The following PDK1 variants were observed in gnomAD, a reference collection of about 807,000 sequenced individuals.
PDK1 encodes the protein pyruvate dehydrogenase kinase 1.
In PDK1, 39 loss-of-function variants were observed where a neutral mutation model predicts 54.2. The ratio of observed to expected loss-of-function variants is 0.72; its 90% CI spans 0.56 to 0.94. PDK1 has a LOEUF of 0.94. Among genes scored for constraint, PDK1 ranks in the 40% least tolerant of loss-of-function variants. PDK1 has a pLI of 0.00. For synonymous variants in PDK1, 221 were observed against 207.1 expected, an observed-to-expected ratio of 1.07 and a Z score of -0.58; for missense variants, 552 against 566.0, an observed-to-expected ratio of 0.98 and a Z score of 0.25.
chr2:172,618,872 G>A, the PDK1 span, among the ~76,000 whole-genome samples: 1 of 152,160 alleles, frequency 6.6e-6, no homozygotes, highest in Admixed American at 6.5e-5. Flanking sequence ...ATTGAGGCTA[G>A]AGAAGTGGGC....
At chr2:172,555,865 G>A (rs907386712), upstream of PDK1, 7 of 299,222 alleles carry the variant, frequency 2.3e-5, no homozygotes, top group Admixed American at 2.6e-4. Context: ...TCTGGGCGGC[G>A]GCTGCGGCCT....
chr2:172,573,514 TACAC>T (rs991587817), intron 8 of PDK1, among the ~76,000 whole-genome samples: 7 of 151,556 alleles, frequency 4.6e-5, no homozygotes, highest in African/African-American at 1.5e-4. Flanking sequence ...TGTATATATA[TACAC>T]ACACATACAT....
the PDK1 span, among the ~76,000 whole-genome samples, chr2:172,659,528 A>G: frequency 6.6e-6 from 1 of 152,160 alleles, no homozygotes; most frequent in Admixed American, 6.5e-5. Flanking sequence ...TGTCAATTTA[A>G]TTCTCAGCAC....
At chr2:172,669,795 C>T in the PDK1 span, among the ~76,000 whole-genome samples, 1 of 152,156 alleles carries the variant, frequency 6.6e-6, no homozygotes, top group Non-Finnish European at 1.5e-5. Flanking sequence ...GCCATTTGCA[C>T]GTCTTCTTTC....
chr2:172,619,977 C>T, the PDK1 span, among the ~76,000 whole-genome samples: 29 of 152,118 alleles, frequency 1.9e-4, no homozygotes, highest in Admixed American at 6.5e-5. Flanking sequence ...CCAGCCTGGC[C>T]AACATGGCAA....
chr2:172,624,447 A>AT, the PDK1 span, among the ~76,000 whole-genome samples: 1 of 152,150 alleles, frequency 6.6e-6, no homozygotes. Flanking sequence ...CATATGAGGG[A>AT]TCTAGGTTGC....
At chr2:172,627,803 A>G in the PDK1 span, among the ~76,000 whole-genome samples, 1 of 152,230 alleles carries the variant, frequency 6.6e-6, no homozygotes, top group East Asian at 1.9e-4. Flanking sequence ...TAACATTGTA[A>G]CATATGTCTT....
downstream of PDK1, among the ~76,000 whole-genome samples, chr2:172,612,626 A>G (rs1691498836): frequency 6.6e-6 from 1 of 152,194 alleles, no homozygotes; most frequent in Non-Finnish European, 1.5e-5. Context: ...ATTTAGCCAA[A>G]TACATGCTGT....
the PDK1 span, among the ~76,000 whole-genome samples, chr2:172,647,345 G>T: frequency 6.6e-6 from 1 of 152,104 alleles, no homozygotes; most frequent in Non-Finnish European, 1.5e-5. Flanking sequence ...CCAGCTTCTT[G>T]GTCAGGACAG....
the PDK1 span, among the ~76,000 whole-genome samples, chr2:172,628,600 G>A: frequency 6.6e-6 from 1 of 151,952 alleles, no homozygotes; most frequent in African/African-American, 2.4e-5. Context: ...CTATTTCTGG[G>A]TGAGTTGATT....
At chr2:172,559,302 T>C (rs1476235554) in intron 2 of PDK1, among the ~76,000 whole-genome samples, 1 of 152,162 alleles carries the variant, frequency 6.6e-6, no homozygotes, top group Non-Finnish European at 1.5e-5. Context: ...GTGGGGGCAA[T>C]GTATTTGGGC....
At chr2:172,700,809 C>G in the PDK1 span, among the ~76,000 whole-genome samples, 1 of 152,206 alleles carries the variant, frequency 6.6e-6, no homozygotes, top group African/African-American at 2.4e-5. Flanking sequence ...GGAGACCAGC[C>G]TGGCCAACAC....
intron 2 of PDK1, among the ~76,000 whole-genome samples, chr2:172,559,638 C>T (rs1688550383): frequency 1.3e-5 from 2 of 152,112 alleles, no homozygotes; most frequent in Admixed American, 1.3e-4. Context: ...ACCTCTGCCT[C>T]CTGGGTTCAA....
chr2:172,675,368 A>G, the PDK1 span, among the ~76,000 whole-genome samples: 1 of 152,232 alleles, frequency 6.6e-6, no homozygotes, highest in Non-Finnish European at 1.5e-5. Flanking sequence ...CCTTGCACCA[A>G]ACAGCCAAAT....
chr2:172,576,335 G>A (rs1689585093), intron 8 of PDK1, among the ~76,000 whole-genome samples: 1 of 151,608 alleles, frequency 6.6e-6, no homozygotes, highest in African/African-American at 2.4e-5. Flanking sequence ...TGTAAGATTG[G>A]TAGTGATGTC....
chr2:172,686,368 T>G, the PDK1 span, among the ~76,000 whole-genome samples: 1 of 152,056 alleles, frequency 6.6e-6, no homozygotes, highest in Non-Finnish European at 1.5e-5. Context: ...ATCGGCGCTT[T>G]GTAACTAGCT....
the PDK1 span, among the ~76,000 whole-genome samples, chr2:172,681,904 C>G: frequency 6.6e-6 from 1 of 152,082 alleles, no homozygotes; most frequent in Non-Finnish European, 1.5e-5. Context: ...ACTACAGGCA[C>G]CCGCCACCAC....
the PDK1 span, among the ~76,000 whole-genome samples, chr2:172,681,539 T>C: frequency 2.0e-5 from 3 of 152,206 alleles, no homozygotes; most frequent in African/African-American, 7.2e-5. Context: ...TCAACAAATA[T>C]TCATTGAGCA....
chr2:172,723,547 A>T, the PDK1 span: 22 of 152,234 alleles, frequency 1.4e-4, no homozygotes, highest in Non-Finnish European at 2.6e-4. Flanking sequence ...AAAAATGTCA[A>T]TGTCATGAAA....
Sources: allele counts gnomAD v4.1 joint callset (sites outside exome capture counted in the v4.1 genomes callset), GRCh38; gene constraint gnomAD v4.1.1; transcripts MANE v1.5; gene names NCBI Gene and HGNC (gene_info 2026-07-23, HGNC 2026-07-21).